DOCK2: variants seen among roughly 807,000 people sequenced by gnomAD.
The protein encoded by DOCK2 is dedicator of cytokinesis 2.
Under a neutral mutation model 248.9 loss-of-function variants are expected in DOCK2, and 87 were observed. The observed-to-expected ratio is 0.35, with a 90% CI of 0.29 to 0.42. The LOEUF (loss-of-function observed/expected upper bound fraction) is 0.42, where lower values mean the gene tolerates loss of function less well. Ranked by LOEUF, DOCK2 falls within the 10% of genes least tolerant of loss-of-function variation. The probability of loss-of-function intolerance (pLI) is 1.00; values close to 1 mark genes in which losing one functional copy is unlikely to be tolerated. For synonymous variants in DOCK2, 805 were observed against 821.6 expected (o/e 0.98, Z 0.35); for missense variants, 1,747 against 2,300.2 (o/e 0.76, Z 4.92).
chr5:170,041,206 T>C (rs1756501100), intron 37 of DOCK2, 61 bp downstream of exon 37: 14 of 1,436,208 alleles, frequency 9.7e-6, no homozygotes, highest in South Asian at 2.3e-5. Flanking sequence ...TCACAGCAAG[T>C]TGAAGAGTGA....
intron 27 of DOCK2, among the ~76,000 whole-genome samples, chr5:169,957,075 T>G (rs1470066541): frequency 6.6e-6 from 1 of 152,040 alleles, no homozygotes; most frequent in African/African-American, 2.4e-5. Flanking sequence ...CCATTTGACT[T>G]CCATTTACTC....
Position 169,810,087 on chromosome 5 carries a change from G to A in DOCK2, c.2703+6881G>A, listed in dbSNP as rs560774957. Among the ~76,000 whole-genome samples the A allele has an allele frequency of 2.0e-5, 3 of 152,072 alleles. No homozygotes were observed. The East Asian group carries it at 5.9e-4, about 30-fold the overall frequency. On this transcript the variant is annotated intron_variant, in intron 26 of 51. Coordinates refer to ENST00000520908, the MANE Select transcript of DOCK2 (RefSeq NM_004946.3). ...CCCCGCCCACCCCAGCACAATGCCT[G>A]GCTCTTGAAGCTATCTGAAGGAAGG...
At chr5:169,692,079 C>T (rs1487066389) in intron 9 of DOCK2, among the ~76,000 whole-genome samples, 4 of 152,120 alleles carry the variant, frequency 2.6e-5, no homozygotes, top group Non-Finnish European at 4.4e-5. Context: ...TGGTCTTGAT[C>T]TCCTGACCTC....
At chr5:169,685,569 A>G (rs946078167) in intron 8 of DOCK2, among the ~76,000 whole-genome samples, 1 of 152,218 alleles carries the variant, frequency 6.6e-6, no homozygotes, top group Non-Finnish European at 1.5e-5. Flanking sequence ...GAGCTAGGAC[A>G]TGATCTCTCT....
chr5:169,924,357 A>G (rs1775329189), intron 27 of DOCK2, among the ~76,000 whole-genome samples: 1 of 152,226 alleles, frequency 6.6e-6, no homozygotes, highest in Non-Finnish European at 1.5e-5. Context: ...TTTGCTCCCT[A>G]AAAGTCTAAC....
At chr5:169,979,351 T>C (rs1777857358) in intron 27 of DOCK2, among the ~76,000 whole-genome samples, 1 of 152,200 alleles carries the variant, frequency 6.6e-6, no homozygotes, top group Non-Finnish European at 1.5e-5. Context: ...GATATGGAAG[T>C]AAGGTCTCAA....
At chr5:169,895,747 C>T (rs1271220062) in intron 27 of DOCK2, among the ~76,000 whole-genome samples, 2 of 152,266 alleles carry the variant, frequency 1.3e-5, no homozygotes, top group South Asian at 2.1e-4. Flanking sequence ...TGCACTTACA[C>T]CTAAACTTGC....
chr5:169,645,005 T>C (rs761379485), intron 1 of DOCK2, among the ~76,000 whole-genome samples: 2 of 152,202 alleles, frequency 1.3e-5, no homozygotes, highest in Non-Finnish European at 2.9e-5. Flanking sequence ...TAGTATTCCA[T>C]GGTATATATG....
intron 27 of DOCK2, chr5:169,883,411 C>G: frequency 6.4e-7 from 1 of 1,551,702 alleles, no homozygotes; most frequent in Non-Finnish European, 8.7e-7. Context: ...CACCTTGACC[C>G]TTCGAGGCCC....
Position 169,809,697 on chromosome 5 carries a change from A to C in DOCK2, c.2703+6491A>C, listed in dbSNP as rs377034577. Among the ~76,000 whole-genome samples, 26 of 152,304 alleles carry C rather than the reference A, an allele frequency of 1.7e-4. 1 individual carries two copies. The East Asian group carries it at 2.9e-3, about 17-fold the overall frequency. On this transcript the variant is annotated intron_variant, in intron 26 of 51. Coordinates refer to ENST00000520908, the MANE Select transcript of DOCK2 (RefSeq NM_004946.3). Reference sequence around the variant, plus strand: ...CTTCCACACTGACTTCGCAGAGTTTACGCTTTCAGCTTCAGTCTCTCCCAT... The same window carrying C: ...CTTCCACACTGACTTCGCAGAGTTTCCGCTTTCAGCTTCAGTCTCTCCCAT...
intron 1 of DOCK2, among the ~76,000 whole-genome samples, chr5:169,644,750 C>A: frequency 6.6e-6 from 1 of 152,050 alleles, no homozygotes; most frequent in Non-Finnish European, 1.5e-5. Flanking sequence ...GTTTTAAGCC[C>A]CATATGCATT....
At chr5:169,903,036 T>C (rs1774025607) in intron 27 of DOCK2, among the ~76,000 whole-genome samples, 2 of 151,006 alleles carry the variant, frequency 1.3e-5, no homozygotes, top group African/African-American at 4.9e-5. Flanking sequence ...AGGTGGAGGT[T>C]GCAGTGAGCT....
intron 27 of DOCK2, among the ~76,000 whole-genome samples, chr5:169,889,150 A>G (rs1773143573): frequency 2.0e-5 from 3 of 152,184 alleles, no homozygotes; most frequent in Admixed American, 6.6e-5. Context: ...TGTATTATCT[A>G]ATTTGCCTTA....
chr5:169,826,240 CAAAA>C (rs1219473871), intron 26 of DOCK2, among the ~76,000 whole-genome samples: 3 of 152,034 alleles, frequency 2.0e-5, no homozygotes, highest in Non-Finnish European at 4.4e-5. Context: ...TGTGGGTACT[CAAAA>C]AGAACAAGCA....
chr5:169,661,720 T>A (rs1175729269), intron 2 of DOCK2, among the ~76,000 whole-genome samples: 1 of 152,236 alleles, frequency 6.6e-6, no homozygotes, highest in Non-Finnish European at 1.5e-5. Context: ...TGCAATACTT[T>A]CTGTGTCTGT....
At chr5:169,883,181 G>C (rs761122238) in intron 27 of DOCK2, 1 of 1,551,602 alleles carries the variant, frequency 6.4e-7, no homozygotes, top group East Asian at 2.4e-5. Context: ...TCACCTGGAC[G>C]TGTGTCATCC....
intron 30 of DOCK2, among the ~76,000 whole-genome samples, chr5:170,001,862 G>C (rs2113803458): frequency 6.6e-6 from 1 of 152,282 alleles, no homozygotes; most frequent in East Asian, 1.9e-4. Context: ...TGAATAATGG[G>C]TGAATCTACT....
At chr5:169,758,848 G>C (rs939700763) in intron 23 of DOCK2, among the ~76,000 whole-genome samples, 1 of 152,148 alleles carries the variant, frequency 6.6e-6, no homozygotes, top group Non-Finnish European at 1.5e-5. Flanking sequence ...TTTTCTTTAG[G>C]AAAGTAATTT....
At chr5:169,999,495 A>G (rs1219522225) in intron 30 of DOCK2, among the ~76,000 whole-genome samples, 1 of 152,174 alleles carries the variant, frequency 6.6e-6, no homozygotes, top group African/African-American at 2.4e-5. Context: ...CTGGGAATGC[A>G]TGTCAGTCCT....
Sources: allele counts gnomAD v4.1 joint callset (sites outside exome capture counted in the v4.1 genomes callset), GRCh38; gene constraint gnomAD v4.1.1; transcripts MANE v1.5; gene names NCBI Gene and HGNC (gene_info 2026-07-23, HGNC 2026-07-21).